Variants in ITGA8 observed in about 807,000 individuals in gnomAD.
ITGA8 encodes the protein integrin alpha-8.
A neutral mutation model predicts 142.3 loss-of-function variants in ITGA8; 91 were observed. The ratio of observed to expected loss-of-function variants is 0.64; its 90% CI spans 0.54 to 0.76. The LOEUF (loss-of-function observed/expected upper bound fraction) is 0.76. Ranked by LOEUF, ITGA8 falls within the 30% of genes least tolerant of loss-of-function variation. The probability of loss-of-function intolerance (pLI) is 0.00; values close to 1 mark genes in which losing one functional copy is unlikely to be tolerated. For missense variants in ITGA8, 1,406 were observed against 1,327.7 expected (o/e 1.06, Z -0.92); for synonymous variants, 505 against 485.2 (o/e 1.04, Z -0.54).
At chr10:15,657,474 A>C in intron 10 of ITGA8, among the ~76,000 whole-genome samples, 1 of 136,570 alleles carries the variant, frequency 7.3e-6, no homozygotes, top group South Asian at 2.4e-4. Context: ...CATTTTGTTT[A>C]TTTTAAAACC....
At chr10:15,532,325 G>A (rs576416216) in intron 27 of ITGA8, among the ~76,000 whole-genome samples, 125 of 149,668 alleles carry the variant, frequency 8.4e-4, no homozygotes, top group Admixed American at 1.7e-3. Context: ...AGGCTGAGGC[G>A]GGAGAGTTGC....
intron 27 of ITGA8, among the ~76,000 whole-genome samples, chr10:15,542,354 C>T (rs73598762): frequency 0.055 from 8,424 of 152,210 alleles, 757 homozygotes; most frequent in African/African-American, 0.19. Flanking sequence ...TAAGATGTGA[C>T]TGGTGAGACT....
At position 15,672,190 on chromosome 10, in the gene ITGA8, G is replaced by T. The variant is rs147140990; in HGVS notation, c.802+434C>A. ...TTCAAATTCATCAAGCAATCAAATG[G>T]CCACTAGGAACCAAAGTTGGGAAAC... On this transcript the variant is annotated intron_variant, in intron 7 of 29. Coordinates refer to ENST00000378076, the MANE Select transcript of ITGA8 (RefSeq NM_003638.3). Among the ~76,000 whole-genome samples, 48 of 152,268 alleles carry T rather than the reference G, an allele frequency of 3.2e-4. 1 individual carries two copies. The highest frequency in any genetic ancestry group is 2.0e-3 in the Admixed American group (31 of 15,298).
At chr10:15,571,556 C>T (rs1034561089) in intron 25 of ITGA8, among the ~76,000 whole-genome samples, 1 of 152,214 alleles carries the variant, frequency 6.6e-6, no homozygotes. Context: ...CTCCTTACTC[C>T]TTGTTTGTGA....
intron 27 of ITGA8, among the ~76,000 whole-genome samples, chr10:15,537,726 C>T (rs1833476207): frequency 6.6e-6 from 1 of 152,068 alleles, no homozygotes; most frequent in Non-Finnish European, 1.5e-5. Flanking sequence ...TTTGGTAGGA[C>T]GTGATGCTCA....
Position 15,646,709 on chromosome 10 carries a change from A to G in ITGA8, c.1207+137T>C, listed in dbSNP as rs1037175048. On this transcript the variant is annotated intron_variant, in intron 12 of 29. Transcript: ENST00000378076. ...TGTATAAACGTAAAGCTGCCTTGAGATTTGTGATAGTTTATTAAAAATCAG... is the reference window on the plus strand; with the variant it reads ...TGTATAAACGTAAAGCTGCCTTGAGGTTTGTGATAGTTTATTAAAAATCAG... The G allele has an allele frequency of 1.2e-5, 7 of 604,194 alleles. No individual in the cohort carries two copies. The African/African-American group carries it at 1.3e-4, about 11-fold the overall frequency. The allele number at this position is 604,194 out of a possible 1,614,324, so 37.4% of individuals were successfully genotyped here. A position where few individuals can be genotyped will look rare whatever the true frequency, so the allele number is the denominator to read the frequency against.
chr10:15,563,842 C>T lies in ITGA8; in HGVS notation c.2638-5640G>A, dbSNP rs2353413. ...TGAGGCAGGAGAGGTGCTTGAACCTCGGAGGCAGAGGCTGCCATGAGCCAA... is the reference window on the plus strand; with the variant it reads ...TGAGGCAGGAGAGGTGCTTGAACCTTGGAGGCAGAGGCTGCCATGAGCCAA... On this transcript the variant is annotated intron_variant, in intron 25 of 29. Coordinates refer to ENST00000378076, the MANE Select transcript of ITGA8 (RefSeq NM_003638.3). 3.2e-3 allele frequency among the ~76,000 whole-genome samples: 480 copies of T among 151,344 alleles called. 2 individuals carry two copies. The highest frequency in any genetic ancestry group is 0.011 in the African/African-American group (462 of 41,222).
chr10:15,719,647 TC>T lies in ITGA8; in HGVS notation c.124del (p.Asp42ThrfsTer99). ...GCTGTACACTGTGAGCTTTTCCACG[TC>T]CAGGTTGAACGCCTGACAGGCGGGG... ...WSPACQAFNL[D>X]VEKLTVYSGP... On this transcript the variant is annotated frameshift_variant, in exon 1 of 30. Transcript: ENST00000378076. LOFTEE classifies it high-confidence loss of function. The T allele has an allele frequency of 6.5e-7, 1 of 1,528,488 alleles. No individual in the cohort carries two copies. Among genetic ancestry groups the T allele is most frequent in the Admixed American group, 2.3e-5 (1 of 43,320 alleles). 94.7% of individuals were successfully genotyped at this position (1,528,488 alleles called of 1,614,324 possible). A position where few individuals can be genotyped will look rare whatever the true frequency, so the allele number is the denominator to read the frequency against.
intron 10 of ITGA8, among the ~76,000 whole-genome samples, chr10:15,657,071 TGTG>T (rs1389572646): frequency 1.3e-5 from 2 of 152,220 alleles, no homozygotes; most frequent in African/African-American, 4.8e-5. Flanking sequence ...TTTCTCTTGA[TGTG>T]GTGGTGTGTG....
At chr10:15,705,813 A>G (rs987289308) in intron 2 of ITGA8, among the ~76,000 whole-genome samples, 1 of 152,122 alleles carries the variant, frequency 6.6e-6, no homozygotes, top group Admixed American at 6.6e-5. Flanking sequence ...GACTTTCTTT[A>G]TTGGCTTCAT....
At chr10:15,548,407 G>A (rs368986162) in intron 27 of ITGA8, 48 bp downstream of exon 27, 10 of 1,285,342 alleles carry the variant, frequency 7.8e-6, no homozygotes, top group African/African-American at 1.5e-5. Flanking sequence ...CTTTTGTGAA[G>A]CAGCTCCCAG....
chr10:15,632,812 T>C lies in ITGA8; in HGVS notation c.1399+11218A>G, dbSNP rs189725574. Among the ~76,000 whole-genome samples the C allele has an allele frequency of 2.6e-5, 4 of 152,206 alleles. No homozygotes were observed. In the East Asian group the frequency reaches 7.7e-4, roughly 29 times the overall value. ...TAAAGGCCTATTTCAAGGTTAACGA[T>C]ATATAGACAGTGGGATCTCTTGAGA... is the stretch of plus-strand genomic sequence containing the variant. On this transcript the variant is annotated intron_variant, in intron 13 of 29. Coordinates refer to ENST00000378076, the MANE Select transcript of ITGA8 (RefSeq NM_003638.3).
At chr10:15,647,455 T>TG (rs1834003373) in intron 11 of ITGA8, among the ~76,000 whole-genome samples, 1 of 139,866 alleles carries the variant, frequency 7.1e-6, no homozygotes, top group Non-Finnish European at 1.6e-5. Context: ...TTCAGTTTTT[T>TG]TTTTTTTTTT....
chr10:15,702,673 C>T (rs1005309635), intron 2 of ITGA8, among the ~76,000 whole-genome samples: 1 of 152,164 alleles, frequency 6.6e-6, no homozygotes, highest in Admixed American at 6.6e-5. Flanking sequence ...TCTTTCTGTT[C>T]CCTGTTGAGT....
chr10:15,618,366 G>A (rs1564377104), intron 13 of ITGA8, among the ~76,000 whole-genome samples: 4 of 152,186 alleles, frequency 2.6e-5, no homozygotes, highest in South Asian at 2.1e-4. Flanking sequence ...AAGGTGGAGG[G>A]AGGTCCTATT....
At chr10:15,524,674 AC>A (rs1415455713) in intron 28 of ITGA8, among the ~76,000 whole-genome samples, 2 of 152,320 alleles carry the variant, frequency 1.3e-5, no homozygotes, top group African/African-American at 4.8e-5. Context: ...TAAACTAGAG[AC>A]TTGACTGCAT....
At chr10:15,679,852 G>T (rs1834702795) in intron 4 of ITGA8, among the ~76,000 whole-genome samples, 1 of 152,132 alleles carries the variant, frequency 6.6e-6, no homozygotes, top group South Asian at 2.1e-4. Context: ...TTAGGACCAG[G>T]AATTTACTAC....
At chr10:15,707,560 C>T (rs1006405481) in intron 2 of ITGA8, among the ~76,000 whole-genome samples, 1 of 152,134 alleles carries the variant, frequency 6.6e-6, no homozygotes, top group East Asian at 1.9e-4. Context: ...CAGTGGCTCA[C>T]ACCTTTAATC....
chr10:15,635,918 T>TACACACACACACACACACAC (rs4030579), intron 13 of ITGA8, among the ~76,000 whole-genome samples: 2 of 143,128 alleles, frequency 1.4e-5, no homozygotes, highest in South Asian at 2.3e-4. Context: ...TTGCTTATAC[T>TACACACACACACACACACAC]ACACACACAC....
Sources: allele counts gnomAD v4.1 joint callset (sites outside exome capture counted in the v4.1 genomes callset), GRCh38; gene constraint gnomAD v4.1.1; transcripts MANE v1.5; gene names NCBI Gene and HGNC (gene_info 2026-07-23, HGNC 2026-07-21).